Variants in RELN observed in about 807,000 individuals in gnomAD.
The protein encoded by RELN is reelin.
RELN carries 108 observed loss-of-function variants against 427.6 expected under a neutral mutation model. The observed-to-expected ratio is 0.25, with a 90% CI of 0.22 to 0.30. The LOEUF (loss-of-function observed/expected upper bound fraction) is 0.30. RELN is among the 10% of genes least tolerant of loss of function. The pLI is 1.00. For synonymous variants in RELN, 1,524 were observed against 1,513.4 expected (o/e 1.01, Z -0.16); for missense variants, 3,715 against 4,302.8 (o/e 0.86, Z 3.82).
In RELN at chr7:103,697,951, A is replaced by G. The variant is rs777083831; in HGVS notation, c.1045T>C (p.Leu349=). The change falls in exon 10 of 65, where the codon TTG becomes CTG. Residue 349 remains leucine (L), a synonymous_variant. Coordinates refer to ENST00000428762, the MANE Select transcript of RELN (RefSeq NM_005045.4). The part of the protein sequence containing the change: ...YEACWALDNI[L]IINSAHRQVV... ...TGTCTGTGAGCTGAATTGATGATCA[A>G]GATGTTATCTAAGGCCCAGCAGGCT... 2 of 1,613,792 alleles carry G rather than the reference A, an allele frequency of 1.2e-6. No homozygotes were observed. The highest frequency in any genetic ancestry group is 1.7e-6 in the Non-Finnish European group (2 of 1,179,830).
chr7:103,548,469 A>G (rs1830347263), intron 41 of RELN, among the ~76,000 whole-genome samples: 1 of 152,240 alleles, frequency 6.6e-6, no homozygotes, highest in South Asian at 2.1e-4. Flanking sequence ...ATGGGTTTTA[A>G]GAAGAGTGCT....
chr7:103,478,529 T>G (rs1562838130), intron 63 of RELN, 135 bp from the exon 64 acceptor site: 1 of 676,774 alleles, frequency 1.5e-6, no homozygotes, highest in Non-Finnish European at 2.7e-6. Context: ...TCATCTCTTT[T>G]GAAAATAAAA....
chr7:103,817,868 C>T (rs1442697194), intron 3 of RELN, among the ~76,000 whole-genome samples: 2 of 139,600 alleles, frequency 1.4e-5, no homozygotes, highest in African/African-American at 5.4e-5. Context: ...TTGCTTAAAC[C>T]TGGGAGGCAG....
chr7:103,702,398 G>C (rs1193640226), intron 8 of RELN, among the ~76,000 whole-genome samples: 3 of 152,116 alleles, frequency 2.0e-5, no homozygotes, highest in Non-Finnish European at 2.9e-5. Flanking sequence ...AAAAGCAAAT[G>C]TATAAGGTAA....
chr7:103,813,404 TAA>T (rs1469070339), intron 3 of RELN, among the ~76,000 whole-genome samples: 1 of 152,090 alleles, frequency 6.6e-6, no homozygotes, highest in Non-Finnish European at 1.5e-5. Flanking sequence ...TTCTCTGAAA[TAA>T]GTTAGGAAAA....
intron 1 of RELN, among the ~76,000 whole-genome samples, chr7:103,981,089 T>C (rs1447099382): frequency 2.0e-5 from 3 of 152,226 alleles, no homozygotes. Flanking sequence ...TATGTCAATA[T>C]GTAATAAGCA....
At chr7:103,771,163 C>T (rs577016070) in intron 4 of RELN, among the ~76,000 whole-genome samples, 2 of 151,714 alleles carry the variant, frequency 1.3e-5, no homozygotes, top group African/African-American at 4.8e-5. Context: ...GTGATCTGCC[C>T]GCCTCGGCCT....
chr7:103,970,146 C>A (rs532788430), intron 1 of RELN, among the ~76,000 whole-genome samples: 2 of 142,660 alleles, frequency 1.4e-5, no homozygotes, highest in African/African-American at 5.1e-5. Flanking sequence ...TCTTTTTTTC[C>A]TTTTTTTTTT....
intron 1 of RELN, among the ~76,000 whole-genome samples, chr7:103,952,530 C>CACAT (rs796451243): frequency 1.3e-5 from 2 of 150,638 alleles, no homozygotes; most frequent in African/African-American, 4.9e-5. Flanking sequence ...CACACACACA[C>CACAT]ACATACATAC....
chr7:103,484,227 C>CCTG, intron 61 of RELN: 1 of 234,224 alleles, frequency 4.3e-6, no homozygotes, highest in Non-Finnish European at 8.5e-6. Flanking sequence ...AGGAATTATA[C>CCTG]TTCCTTAATC....
chr7:103,947,990 A>C (rs1183041190), intron 1 of RELN, among the ~76,000 whole-genome samples: 1 of 152,218 alleles, frequency 6.6e-6, no homozygotes, highest in East Asian at 1.9e-4. Flanking sequence ...AACTACAACA[A>C]AGAAAAAGGT....
chr7:103,768,602 A>G (rs1280167494), intron 4 of RELN, among the ~76,000 whole-genome samples: 1 of 152,194 alleles, frequency 6.6e-6, no homozygotes, highest in African/African-American at 2.4e-5. Flanking sequence ...TCAATTGTAA[A>G]ATGTTTAAGT....
At position 103,482,926 on chromosome 7, in the gene RELN, G is replaced by A. The variant is rs1247986111; in HGVS notation, c.10227C>T (p.Arg3409=). The A allele has an allele frequency of 6.2e-7, 1 of 1,614,146 alleles. No homozygotes were observed. Among genetic ancestry groups the A allele is most frequent in the Admixed American group, 1.7e-5 (1 of 60,020 alleles). Residue 3409 remains arginine (R), a synonymous_variant, in exon 63 of 65, where the codon CGC becomes CGT. Transcript: ENST00000428762. ...ATTGATCATGACCTGTTCCATTGTG[G>A]CGTGGTTGCCACCAGCGCAGTAAGA... ...KGVLLRWWQP[R]HNGTGHDQWA...
chr7:103,698,938 T>A (rs560834767), intron 9 of RELN, among the ~76,000 whole-genome samples: 2 of 152,312 alleles, frequency 1.3e-5, no homozygotes, highest in East Asian at 3.9e-4. Flanking sequence ...TTTTCATATG[T>A]TTAGTCTATA....
At chr7:103,668,058 C>T (rs1043791315) in intron 11 of RELN, among the ~76,000 whole-genome samples, 7 of 151,996 alleles carry the variant, frequency 4.6e-5, no homozygotes, top group African/African-American at 1.4e-4. Context: ...GGTGAAAACC[C>T]GTCTCTACTA....
chr7:103,661,609 G>A, intron 11 of RELN, 82 bp from the exon 12 acceptor site: 1 of 1,225,234 alleles, frequency 8.2e-7, no homozygotes, highest in East Asian at 2.5e-5. Flanking sequence ...TTTTTAGTGA[G>A]GGACACTTAC....
intron 1 of RELN, among the ~76,000 whole-genome samples, chr7:103,941,008 G>C (rs1796101884): frequency 6.6e-6 from 1 of 152,134 alleles, no homozygotes; most frequent in South Asian, 2.1e-4. Flanking sequence ...ATTGAGGTTA[G>C]CTTCTACGCA....
At chr7:103,714,430 A>C (rs1379110246) in intron 8 of RELN, among the ~76,000 whole-genome samples, 1 of 152,220 alleles carries the variant, frequency 6.6e-6, no homozygotes, top group Non-Finnish European at 1.5e-5. Flanking sequence ...GTGCTATTTT[A>C]CCAATTCTCT....
At chr7:103,673,409 G>C (rs916845284) in intron 11 of RELN, among the ~76,000 whole-genome samples, 5 of 151,914 alleles carry the variant, frequency 3.3e-5, no homozygotes, top group African/African-American at 1.2e-4. Context: ...TCCTTTTTCT[G>C]TTCCCTTTCC....
Sources: allele counts gnomAD v4.1 joint callset (sites outside exome capture counted in the v4.1 genomes callset), GRCh38; gene constraint gnomAD v4.1.1; transcripts MANE v1.5; gene names NCBI Gene and HGNC (gene_info 2026-07-23, HGNC 2026-07-21).